Variants in SUGCT observed in about 807,000 individuals in gnomAD.
The protein encoded by SUGCT is succinyl-CoA:glutarate-CoA transferase.
SUGCT carries 41 observed loss-of-function variants against 55.0 expected under a neutral mutation model. The observed-to-expected ratio is 0.74, with a 90% CI of 0.58 to 0.97. SUGCT has a LOEUF of 0.97. Ranked by LOEUF, SUGCT falls within the 50% of genes least tolerant of loss-of-function variation. The pLI is 0.00. For synonymous variants in SUGCT, 187 were observed against 200.4 expected (o/e 0.93, Z 0.56); for missense variants, 568 against 547.8 (o/e 1.04, Z -0.37).
At chr7:40,679,714 A>G (rs1401282262) in intron 12 of SUGCT, among the ~76,000 whole-genome samples, 4 of 152,200 alleles carry the variant, frequency 2.6e-5, no homozygotes, top group African/African-American at 9.6e-5. Context: ...AAAAGCCCAC[A>G]TGTAGAAGGT....
chr7:40,829,065 CTCACTGCTAATAAGCA>C (rs1792515286), intron 13 of SUGCT, among the ~76,000 whole-genome samples: 1 of 152,160 alleles, frequency 6.6e-6, no homozygotes, highest in African/African-American at 2.4e-5. Flanking sequence ...CCCTCTTGCC[CTCACTGCTAATAAGCA>C]TAAAGACAGT....
chr7:40,735,353 C>T (rs778117556), intron 12 of SUGCT, among the ~76,000 whole-genome samples: 1 of 152,108 alleles, frequency 6.6e-6, no homozygotes, highest in Non-Finnish European at 1.5e-5. Context: ...TTCTGGACTA[C>T]TTAGTCTTGG....
At chr7:40,807,414 A>G (rs1791161189) in intron 13 of SUGCT, among the ~76,000 whole-genome samples, 1 of 152,158 alleles carries the variant, frequency 6.6e-6, no homozygotes, top group Admixed American at 6.5e-5. Flanking sequence ...GGGGATGGGT[A>G]GAGAAGAGGT....
intron 8 of SUGCT, among the ~76,000 whole-genome samples, chr7:40,288,493 T>C (rs1484109312): frequency 3.9e-5 from 6 of 152,120 alleles, no homozygotes; most frequent in Non-Finnish European, 5.9e-5. Flanking sequence ...GGTTTTTTTT[T>C]CTTGGATAAA....
chr7:40,860,695 C>A lies in SUGCT; in HGVS notation c.*216C>A, dbSNP rs1794462352. The stretch of plus-strand genomic sequence containing the variant: ...TTTTGTTCCCTACCATCTTTTTTTT[C>A]AGATGATGATTTCATTATGGATTTG... On this transcript the variant is annotated 3_prime_UTR_variant, in exon 14 of 14. Coordinates refer to ENST00000335693, the MANE Select transcript of SUGCT (RefSeq NM_001193313.2). The A allele has an allele frequency of 7.5e-6, 3 of 402,574 alleles. No homozygotes were observed. Among genetic ancestry groups the A allele is most frequent in the Non-Finnish European group, 8.6e-6 (2 of 232,332 alleles). 24.9% of individuals were successfully genotyped at this position (402,574 alleles called of 1,614,324 possible).
the SUGCT span, among the ~76,000 whole-genome samples, chr7:41,027,878 G>A: frequency 6.6e-6 from 1 of 152,142 alleles, no homozygotes; most frequent in African/African-American, 2.4e-5. Flanking sequence ...ACATGCGGGG[G>A]CTCCAAGCAT....
At chr7:40,894,283 G>A in the SUGCT span, among the ~76,000 whole-genome samples, 12 of 152,266 alleles carry the variant, frequency 7.9e-5, no homozygotes, top group Non-Finnish European at 1.6e-4. Flanking sequence ...CTAGCCATAT[G>A]CAGAAGATTG....
chr7:40,501,637 C>T (rs1439947316), intron 12 of SUGCT, among the ~76,000 whole-genome samples: 1 of 152,072 alleles, frequency 6.6e-6, no homozygotes, highest in African/African-American at 2.4e-5. Context: ...TTCATTCAAT[C>T]ATCCCTTCCT....
At chr7:40,814,696 C>T (rs1791585971) in intron 13 of SUGCT, among the ~76,000 whole-genome samples, 1 of 151,868 alleles carries the variant, frequency 6.6e-6, no homozygotes, top group Admixed American at 6.6e-5. Context: ...TCTGAGTTTC[C>T]ATTTTTGTCA....
intron 6 of SUGCT, among the ~76,000 whole-genome samples, chr7:40,230,032 A>G (rs1024953748): frequency 3.9e-5 from 6 of 152,188 alleles, no homozygotes; most frequent in African/African-American, 1.4e-4. Flanking sequence ...TAGAATATTA[A>G]TCTTAACCTT....
intron 5 of SUGCT, among the ~76,000 whole-genome samples, chr7:40,194,385 C>G (rs150170992): frequency 2.6e-5 from 4 of 152,050 alleles, no homozygotes; most frequent in Non-Finnish European, 5.9e-5. Context: ...CTGAGCCTCC[C>G]GAGCAGCTGG....
chr7:40,740,359 T>A (rs1301433917), intron 12 of SUGCT, among the ~76,000 whole-genome samples: 1 of 151,484 alleles, frequency 6.6e-6, no homozygotes, highest in African/African-American at 2.4e-5. Flanking sequence ...TCTTCCTTTT[T>A]AAATTTTTCT....
At chr7:40,955,093 T>A in the SUGCT span, among the ~76,000 whole-genome samples, 1 of 152,204 alleles carries the variant, frequency 6.6e-6, no homozygotes, top group African/African-American at 2.4e-5. Context: ...CTTTGTTCTT[T>A]TTGCTTAGGA....
the SUGCT span, chr7:40,979,636 T>C: frequency 3.3e-5 from 5 of 152,324 alleles, no homozygotes; most frequent in Admixed American, 1.3e-4. Flanking sequence ...TTTTGTGGCC[T>C]GTCTACACAG....
intron 12 of SUGCT, among the ~76,000 whole-genome samples, chr7:40,536,820 C>T (rs1794387791): frequency 6.6e-6 from 1 of 152,226 alleles, no homozygotes; most frequent in Admixed American, 6.5e-5. Context: ...AGGAGAGCTT[C>T]TTAAGCTCTC....
rs57586466 is a variant in SUGCT, at chr7:40,843,508, C to CAA, written c.1154-16798_1154-16797dup. ...CTAGCAACAGAGAGAGACTCTGTCT[C>CAA]AAAAAAAAAAAGTTGAAGTGAGTCA... On this transcript the variant is annotated intron_variant, in intron 13 of 13. Coordinates refer to ENST00000335693, the MANE Select transcript of SUGCT (RefSeq NM_001193313.2). 8.6e-5 allele frequency among the ~76,000 whole-genome samples: 11 copies of CAA among 127,866 alleles called. 2 individuals are homozygous for CAA. Among genetic ancestry groups the CAA allele is most frequent in the East Asian group, 5.9e-4 (2 of 3,388 alleles). 83.9% of individuals were successfully genotyped at this position (127,866 alleles called of 152,430 possible). A position where few individuals can be genotyped will look rare whatever the true frequency, so the allele number is the denominator to read the frequency against.
chr7:40,487,388 T>A (rs1791439579), intron 11 of SUGCT, among the ~76,000 whole-genome samples: 1 of 151,210 alleles, frequency 6.6e-6, no homozygotes, highest in Non-Finnish European at 1.5e-5. Flanking sequence ...ATTACAGGCG[T>A]GAGCCACCAT....
chr7:40,239,402 A>G (rs979714209), intron 7 of SUGCT, among the ~76,000 whole-genome samples: 4 of 152,092 alleles, frequency 2.6e-5, no homozygotes. Flanking sequence ...CAAGAGCACC[A>G]GTTTTCTTTC....
chr7:40,658,686 G>A (rs1253298351), intron 12 of SUGCT, among the ~76,000 whole-genome samples: 1 of 152,162 alleles, frequency 6.6e-6, no homozygotes, highest in Admixed American at 6.5e-5. Flanking sequence ...TCTTGGGATA[G>A]GCTTACAATT....
Sources: gnomAD v4.1 joint callset for allele counts (sites outside exome capture counted in the v4.1 genomes callset) on GRCh38, gnomAD v4.1.1 for gene constraint, MANE v1.5 for transcripts, NCBI Gene and HGNC (gene_info 2026-07-23, HGNC 2026-07-21) for gene names.